NRDC: variants seen among roughly 807,000 people sequenced by gnomAD.
The protein encoded by NRDC is nardilysin.
In NRDC, 54 loss-of-function variants were observed where a neutral mutation model predicts 147.1. That is an observed-to-expected ratio of 0.37 (90% CI 0.29 to 0.46). NRDC has a LOEUF of 0.46. Ranked by LOEUF, NRDC falls within the 20% of genes least tolerant of loss-of-function variation. The probability of loss-of-function intolerance (pLI) is 1.00; values close to 1 mark genes in which losing one functional copy is unlikely to be tolerated. For synonymous variants in NRDC, 440 were observed against 482.1 expected (o/e 0.91, Z 1.14); for missense variants, 1,082 against 1,370.6 (o/e 0.79, Z 3.33).
chr1:51,857,624 C>T (rs1682317182), intron 1 of NRDC, among the ~76,000 whole-genome samples: 2 of 152,136 alleles, frequency 1.3e-5, no homozygotes, highest in South Asian at 4.1e-4. Flanking sequence ...CTGTTTGGAA[C>T]CGAGTTTGAG....
At chr1:51,850,224 G>A (rs1360680315) in intron 1 of NRDC, among the ~76,000 whole-genome samples, 2 of 151,978 alleles carry the variant, frequency 1.3e-5, no homozygotes, top group Non-Finnish European at 2.9e-5. Context: ...GACTTTTAAG[G>A]TGACTGAAAT....
chr1:51,809,350 G>T lies in NRDC; in HGVS notation c.1955C>A (p.Pro652Gln). ...ELWNSNFELNPDLHLPAENKY... is the reference protein window; with the variant it reads ...ELWNSNFELNQDLHLPAENKY... ...GTTTTCAGCTGGAAGATGAAGATCT[G>T]GATTTAATTCGAAATTACTATTCCA... is the stretch of plus-strand genomic sequence containing the variant. The change falls in exon 17 of 31, where the codon CCA (proline) becomes CAA (glutamine). Residue 652 changes from proline to glutamine, a missense_variant. Physicochemically the swap from Pro to Gln is moderately conservative, Grantham distance 76 (BLOSUM62 -1). Coordinates refer to ENST00000352171, the MANE Select transcript of NRDC (RefSeq NM_001101662.2). The T allele has an allele frequency of 6.2e-7, 1 of 1,613,706 alleles. No homozygotes were observed. Among genetic ancestry groups the T allele is most frequent in the South Asian group, 1.1e-5 (1 of 91,076 alleles).
In NRDC at chr1:51,853,415, C is replaced by G. The variant is rs192200277; in HGVS notation, c.342-12901G>C. On this transcript the variant is annotated intron_variant, in intron 1 of 30. Coordinates refer to ENST00000352171, the MANE Select transcript of NRDC (RefSeq NM_001101662.2). ...CTGCTCTCTAAACATGTCAGAAATC[C>G]CGTATCTTAGCTGCAAGTAAATTAA... is the stretch of plus-strand genomic sequence containing the variant. Among the ~76,000 whole-genome samples the G allele has an allele frequency of 1.5e-3, 229 of 152,168 alleles. 2 individuals are homozygous for G. The highest frequency in any genetic ancestry group is 5.3e-3 in the African/African-American group (220 of 41,526).
intron 22 of NRDC, 157 bp from the exon 23 acceptor site, chr1:51,795,011 C>A: frequency 1.3e-6 from 2 of 1,495,634 alleles, no homozygotes; most frequent in East Asian, 2.4e-5. Flanking sequence ...TATTCATTGA[C>A]TGATTCAAGA....
chr1:51,789,262 G>T lies in NRDC; in HGVS notation c.3430C>A (p.Leu1144Ile), dbSNP rs1256520610. Residue 1144 changes from leucine to isoleucine, a missense_variant, in exon 31 of 31, where the codon CTC (leucine) becomes ATC (isoleucine). Coordinates refer to ENST00000352171, the MANE Select transcript of NRDC (RefSeq NM_001101662.2). ...TATTTGACTATTTTATGGTAGGGGA[G>T]AAGGTTGAGTGTTGTTGTGAAAGCC... is the stretch of plus-strand genomic sequence containing the variant. ...IRAFTTTLNL[L>I]PYHKIVK 1.2e-6 allele frequency: 2 copies of T among 1,614,146 alleles called. No homozygotes were observed. The highest frequency in any genetic ancestry group is 3.3e-5 in the Admixed American group (2 of 60,018).
At chr1:51,832,663 G>A (rs1203319365) in intron 4 of NRDC, among the ~76,000 whole-genome samples, 4 of 151,940 alleles carry the variant, frequency 2.6e-5, no homozygotes, top group African/African-American at 9.7e-5. Flanking sequence ...ACTTTGGTCT[G>A]CAACCCTGTA....
Position 51,832,299 on chromosome 1 carries a change from G to A in NRDC, c.866+1718C>T, listed in dbSNP as rs1047044349. On this transcript the variant is annotated intron_variant, in intron 4 of 30. Coordinates refer to ENST00000352171, the MANE Select transcript of NRDC (RefSeq NM_001101662.2). ...TGGCCTCAAGTTATCCGCCCACCTC[G>A]GCCCCCCAAAGTGTTGGGATTACAG... 8.5e-5 allele frequency among the ~76,000 whole-genome samples: 13 copies of A among 152,060 alleles called. 1 individual carries two copies. The highest frequency in any genetic ancestry group is 6.2e-4 in the South Asian group (3 of 4,812).
At chr1:51,789,780 C>T (rs1243070540) in intron 29 of NRDC, 123 bp from the exon 30 acceptor site, 1 of 689,448 alleles carries the variant, frequency 1.5e-6, no homozygotes, top group African/African-American at 1.8e-5. Context: ...TCTTCCTATT[C>T]TCAGGTTACC....
At chr1:51,814,260 A>G (rs1245966202) in intron 13 of NRDC, 171 bp from the exon 14 acceptor site, 4 of 596,690 alleles carry the variant, frequency 6.7e-6, no homozygotes, top group South Asian at 4.4e-5. Context: ...GTTTACCTAC[A>G]TAACAAACCT....
intron 1 of NRDC, among the ~76,000 whole-genome samples, chr1:51,865,495 G>A (rs1290692415): frequency 6.6e-6 from 1 of 151,868 alleles, no homozygotes; most frequent in Non-Finnish European, 1.5e-5. Context: ...TAGAGATGGG[G>A]TTTCACCATG....
chr1:51,831,932 A>C (rs1680731877), intron 4 of NRDC, among the ~76,000 whole-genome samples: 1 of 152,200 alleles, frequency 6.6e-6, no homozygotes, highest in Non-Finnish European at 1.5e-5. Context: ...TCTCCAAAAA[A>C]AAAATAAATA....
Position 51,807,887 on chromosome 1 carries a change from C to A in NRDC, c.1991-974G>T, listed in dbSNP as rs1679541580. 2.0e-5 allele frequency among the ~76,000 whole-genome samples: 3 copies of A among 150,696 alleles called. No homozygotes were observed. The Admixed American group carries it at 2.0e-4, about 10-fold the overall frequency. The stretch of plus-strand genomic sequence containing the variant: ...ATGGTGCGATCTCAACTCACTGCAA[C>A]CTCGGCCTCCTGGGTTCAAGTGATT... On this transcript the variant is annotated intron_variant, in intron 17 of 30. Coordinates refer to ENST00000352171, the MANE Select transcript of NRDC (RefSeq NM_001101662.2).
rs1440387300 is a variant in NRDC at position 51,792,116 on chromosome 1, GC to G, written c.2824-19del. ...ATGTGCATCTGTAATTCAACATACT[GC>G]CCATCAGCCCAACTCCTCCCAGCAG... On this transcript the variant is annotated intron_variant, in intron 25 of 30. Transcript: ENST00000352171. The G allele has an allele frequency of 1.2e-6, 2 of 1,613,308 alleles. No individual in the cohort carries two copies. The highest frequency in any genetic ancestry group is 2.7e-5 in the African/African-American group (2 of 74,864).
chr1:51,814,270 T>G (rs1272337832), intron 13 of NRDC, 181 bp from the exon 14 acceptor site: 2 of 583,164 alleles, frequency 3.4e-6, no homozygotes, highest in Admixed American at 6.4e-5. Context: ...ATAACAAACC[T>G]GCACATATAC....
At chr1:51,875,370 GA>G (rs36004079) in intron 1 of NRDC, among the ~76,000 whole-genome samples, 37,286 of 152,098 alleles carry the variant, frequency 0.25, 5,742 homozygotes, top group Non-Finnish European at 0.34. Flanking sequence ...GAGACACTAA[GA>G]AGGACAATGA....
At chr1:51,854,623 C>T (rs1170106550) in intron 1 of NRDC, among the ~76,000 whole-genome samples, 2 of 152,124 alleles carry the variant, frequency 1.3e-5, no homozygotes, top group Admixed American at 1.3e-4. Context: ...AAGCAGGTAA[C>T]AGTAACAACA....
At chr1:51,852,077 A>T (rs1394718245) in intron 1 of NRDC, among the ~76,000 whole-genome samples, 1 of 152,106 alleles carries the variant, frequency 6.6e-6, no homozygotes, top group Admixed American at 6.6e-5. Context: ...TGGTCAGCTG[A>T]GAAACTGAGG....
Position 51,817,931 on chromosome 1 carries a change from C to T in NRDC, c.1361+135G>A, listed in dbSNP as rs1362545008. Reference sequence around the variant, plus strand: ...AATACATAGCAAGGCTTGAAAGCTCCCGGAGTAATCAAGTTCCAGGTTACC... The same window carrying T: ...AATACATAGCAAGGCTTGAAAGCTCTCGGAGTAATCAAGTTCCAGGTTACC... On this transcript the variant is annotated intron_variant, in intron 10 of 30. Transcript: ENST00000352171. 3 of 642,160 alleles carry T rather than the reference C, an allele frequency of 4.7e-6. No homozygotes were observed. The Admixed American group carries it at 1.0e-4, about 22-fold the overall frequency. The allele number at this position is 642,160 out of a possible 1,614,324, so 39.8% of individuals were successfully genotyped here. A position where few individuals can be genotyped will look rare whatever the true frequency, so the allele number is the denominator to read the frequency against.
chr1:51,833,907 G>C, intron 4 of NRDC, 110 bp downstream of exon 4: 1 of 960,696 alleles, frequency 1.0e-6, no homozygotes, highest in South Asian at 1.8e-5. Flanking sequence ...GAGTCACCAT[G>C]ACTGGTCCAA....
Sources: allele counts gnomAD v4.1 joint callset (sites outside exome capture counted in the v4.1 genomes callset), GRCh38; gene constraint gnomAD v4.1.1; transcripts MANE v1.5; gene names NCBI Gene and HGNC (gene_info 2026-07-23, HGNC 2026-07-21).